The following COMMD7 variants were observed in gnomAD, a reference collection of about 807,000 sequenced individuals.
The protein encoded by COMMD7 is COMM domain containing 7.
A neutral mutation model predicts 34.8 loss-of-function variants in COMMD7; 28 were observed. That is an observed-to-expected ratio of 0.80 (90% CI 0.60 to 1.10). The LOEUF (loss-of-function observed/expected upper bound fraction) is 1.10, where lower values mean the gene tolerates loss of function less well. Ranked by LOEUF, COMMD7 falls within the 50% of genes least tolerant of loss-of-function variation. The pLI is 0.00. For missense variants in COMMD7, 211 were observed against 241.6 expected (o/e 0.87, Z 0.84); for synonymous variants, 80 against 86.4 (o/e 0.93, Z 0.41).
At chr20:32,733,907 G>A (rs920711660) in intron 1 of COMMD7, among the ~76,000 whole-genome samples, 3 of 150,680 alleles carry the variant, frequency 2.0e-5, no homozygotes, top group East Asian at 2.0e-4. Context: ...GGCCGGGTGC[G>A]GTGGCTCACA....
intron 8 of COMMD7, 91 bp from the exon 9 acceptor site, chr20:32,703,549 T>C: frequency 5.3e-6 from 8 of 1,521,388 alleles, no homozygotes; most frequent in Non-Finnish European, 7.0e-6. Flanking sequence ...ATTTTTTTTT[T>C]CTTTTTTGGC....
chr20:32,706,494 C>G, intron 5 of COMMD7, 89 bp downstream of exon 5: 1 of 1,049,074 alleles, frequency 9.5e-7, no homozygotes, highest in Non-Finnish European at 1.4e-6. Flanking sequence ...CCAGCCTGGA[C>G]AGAATGCGAC....
chr20:32,741,074 T>C (rs1986413948), intron 1 of COMMD7, among the ~76,000 whole-genome samples: 1 of 150,242 alleles, frequency 6.7e-6, no homozygotes, highest in African/African-American at 2.4e-5. Flanking sequence ...GCCCAGGAGG[T>C]GAAGTTTGCA....
At chr20:32,722,099 G>A (rs548286076) in intron 3 of COMMD7, among the ~76,000 whole-genome samples, 26 of 151,514 alleles carry the variant, frequency 1.7e-4, no homozygotes, top group African/African-American at 6.1e-4. Flanking sequence ...CAAAAAATTA[G>A]CCAGGTGTGG....
At chr20:32,728,048 G>A in intron 2 of COMMD7, 41 bp downstream of exon 2, 1 of 1,612,758 alleles carries the variant, frequency 6.2e-7, no homozygotes, top group Non-Finnish European at 8.5e-7. Context: ...AGCATCTCAG[G>A]GAGCACGGAC....
chr20:32,739,036 C>T (rs1444596356), intron 1 of COMMD7, among the ~76,000 whole-genome samples: 6 of 152,160 alleles, frequency 3.9e-5, no homozygotes, highest in African/African-American at 1.2e-4. Context: ...AATAATAGTG[C>T]CTTCCTTTTA....
At chr20:32,703,955 C>A in intron 8 of COMMD7, 68 bp downstream of exon 8, 1 of 1,610,240 alleles carries the variant, frequency 6.2e-7, no homozygotes. Context: ...TTGTGGTGAG[C>A]GTCACCAGCC....
At chr20:32,704,698 G>T in intron 6 of COMMD7, 116 bp downstream of exon 6, 1 of 831,976 alleles carries the variant, frequency 1.2e-6, no homozygotes, top group Non-Finnish European at 2.0e-6. Flanking sequence ...AACAGCAGCT[G>T]CTGCCCCAAC....
intron 3 of COMMD7, among the ~76,000 whole-genome samples, chr20:32,715,789 A>G (rs1370777883): frequency 6.6e-6 from 1 of 152,222 alleles, no homozygotes; most frequent in African/African-American, 2.4e-5. Context: ...CCTGGGTGAC[A>G]GAGCGAGATT....
rs77153527 is a variant in COMMD7, at chr20:32,709,889, C to CT, written c.242-3130dup. Among the ~76,000 whole-genome samples the CT allele has an allele frequency of 4.2e-3, 600 of 142,726 alleles. 2 individuals are homozygous for CT. Among genetic ancestry groups the CT allele is most frequent in the Non-Finnish European group, 5.6e-3 (361 of 64,952 alleles). The allele number at this position is 142,726 out of a possible 152,430, so 93.6% of individuals were successfully genotyped here. ...CTATTTCACATTTTTTCTTTTTTTA[C>CT]TTTTTTTTTTTTTTAATCTCATTCT... On this transcript the variant is annotated intron_variant, in intron 3 of 8. Coordinates refer to ENST00000278980, the MANE Select transcript of COMMD7 (RefSeq NM_053041.3).
At chr20:32,727,351 A>G (rs7360824) in intron 3 of COMMD7, among the ~76,000 whole-genome samples, 103,476 of 150,926 alleles carry the variant, frequency 0.69, 36,198 homozygotes, top group Middle Eastern at 0.82. Context: ...GATCATGACC[A>G]TCTTGGCCAA....
intron 3 of COMMD7, among the ~76,000 whole-genome samples, chr20:32,718,431 G>T (rs1483223720): frequency 6.6e-6 from 1 of 151,614 alleles, no homozygotes; most frequent in East Asian, 1.9e-4. Context: ...GGACGCAGTG[G>T]CTCACGCCTG....
At chr20:32,703,634 T>C in intron 8 of COMMD7, 176 bp from the exon 9 acceptor site, 1 of 1,438,504 alleles carries the variant, frequency 7.0e-7, no homozygotes, top group Non-Finnish European at 9.1e-7. Flanking sequence ...CAGAAGGTTC[T>C]CTGCTCCAAA....
chr20:32,716,584 C>T (rs1458329408), intron 3 of COMMD7, among the ~76,000 whole-genome samples: 4 of 152,138 alleles, frequency 2.6e-5, no homozygotes, highest in Non-Finnish European at 4.4e-5. Flanking sequence ...CACTGCACTC[C>T]AGCCTGGGTG....
intron 3 of COMMD7, among the ~76,000 whole-genome samples, chr20:32,718,082 G>A (rs376704157): frequency 1.8e-5 from 2 of 111,656 alleles, no homozygotes; most frequent in African/African-American, 6.2e-5. Flanking sequence ...GAGCGAGACT[G>A]CCTCTCAAAA....
At chr20:32,730,870 A>C (rs758906334) in intron 1 of COMMD7, among the ~76,000 whole-genome samples, 1 of 152,126 alleles carries the variant, frequency 6.6e-6, no homozygotes, top group Non-Finnish European at 1.5e-5. Flanking sequence ...ACCTTCTAGA[A>C]GCAATATATA....
chr20:32,705,376 A>ATATATATATATATATATT (rs1335467096), intron 5 of COMMD7, among the ~76,000 whole-genome samples: 4 of 125,456 alleles, frequency 3.2e-5, no homozygotes, highest in African/African-American at 1.4e-4. Flanking sequence ...ATATATATAT[A>ATATATATATATATATATT]TTTTTTTTTT....
intron 5 of COMMD7, among the ~76,000 whole-genome samples, chr20:32,705,241 T>C (rs1408608140): frequency 5.3e-5 from 8 of 151,762 alleles, no homozygotes; most frequent in African/African-American, 1.9e-4. Flanking sequence ...AATCAGTCAC[T>C]TGTTATTTTT....
rs367839545 is a variant in COMMD7 at position 32,741,157 on chromosome 20, AC to A, written c.84+2150del. On this transcript the variant is annotated intron_variant, in intron 1 of 8. Transcript: ENST00000278980. ...GACTCCGTCTAAAACAAACAAACAA[AC>A]AAAAAAAAACTGACAGTAGGCTAAG... Among the ~76,000 whole-genome samples the A allele has an allele frequency of 5.8e-4, 70 of 119,762 alleles. 1 individual carries two copies. The highest frequency in any genetic ancestry group is 1.6e-3 in the African/African-American group (48 of 29,972). The allele number at this position is 119,762 out of a possible 152,430, so 78.6% of individuals were successfully genotyped here. A position where few individuals can be genotyped will look rare whatever the true frequency, so the allele number is the denominator to read the frequency against.
Sources: gnomAD v4.1 joint callset for allele counts (sites outside exome capture counted in the v4.1 genomes callset) on GRCh38, gnomAD v4.1.1 for gene constraint, MANE v1.5 for transcripts, NCBI Gene and HGNC (gene_info 2026-07-23, HGNC 2026-07-21) for gene names.